The following BCKDHB variants were observed in gnomAD, a reference collection of about 807,000 sequenced individuals.
BCKDHB encodes the protein 2-oxoisovalerate dehydrogenase subunit beta, mitochondrial.
BCKDHB carries 41 observed loss-of-function variants against 48.5 expected under a neutral mutation model. The ratio of observed to expected loss-of-function variants is 0.85; its 90% confidence interval spans 0.66 to 1.10. The LOEUF (loss-of-function observed/expected upper bound fraction) is 1.10, where lower values mean the gene tolerates loss of function less well. BCKDHB is among the 50% of genes least tolerant of loss of function. The pLI, the probability that BCKDHB is intolerant of heterozygous loss-of-function variation, is 0.00. For missense variants in BCKDHB, 496 were observed against 494.2 expected, an observed-to-expected ratio of 1.00 and a Z score of -0.03; for synonymous variants, 201 against 174.8, an observed-to-expected ratio of 1.15 and a Z score of -1.18.
intron 9 of BCKDHB, among the ~76,000 whole-genome samples, chr6:80,336,464 A>T (rs1450633985): frequency 6.8e-6 from 1 of 147,860 alleles, no homozygotes; most frequent in African/African-American, 2.5e-5. Flanking sequence ...TCCATTCTTT[A>T]ACTAGCGGAA....
chr6:80,302,626 T>C (rs895751560), intron 9 of BCKDHB, among the ~76,000 whole-genome samples: 5 of 152,192 alleles, frequency 3.3e-5, no homozygotes, highest in Admixed American at 3.3e-4. Context: ...AGCACAGTGC[T>C]TATTTGTTAT....
the BCKDHB span, among the ~76,000 whole-genome samples, chr6:80,387,192 G>T: frequency 6.6e-6 from 1 of 152,266 alleles, no homozygotes; most frequent in African/African-American, 2.4e-5. Flanking sequence ...CTTACAGTGG[G>T]TCCAGTGGGT....
At chr6:80,169,171 G>T (rs1772762477) in intron 5 of BCKDHB, 141 bp downstream of exon 5, 1 of 1,157,976 alleles carries the variant, frequency 8.6e-7, no homozygotes, top group African/African-American at 1.6e-5. Context: ...TATTTAAGAA[G>T]GGGAGGTTAG....
At chr6:80,316,515 G>T (rs1022843926) in intron 9 of BCKDHB, among the ~76,000 whole-genome samples, 7 of 152,020 alleles carry the variant, frequency 4.6e-5, no homozygotes, top group African/African-American at 1.7e-4. Flanking sequence ...TATTTGGTGG[G>T]TAACAATATT....
chr6:80,391,282 C>T, the BCKDHB span, among the ~76,000 whole-genome samples: 1 of 151,980 alleles, frequency 6.6e-6, no homozygotes, highest in African/African-American at 2.4e-5. Flanking sequence ...ATGCCCACAT[C>T]ATAATCCCCA....
chr6:80,446,839 G>A, the BCKDHB span, among the ~76,000 whole-genome samples: 1 of 150,282 alleles, frequency 6.7e-6, no homozygotes, highest in East Asian at 2.0e-4. Flanking sequence ...TGGAAGTGAA[G>A]TTTATTGCAT....
chr6:80,420,345 C>A, the BCKDHB span, among the ~76,000 whole-genome samples: 4 of 152,168 alleles, frequency 2.6e-5, no homozygotes, highest in South Asian at 4.1e-4. Context: ...GACACGCAGA[C>A]TTTTTCTATG....
At chr6:80,175,645 A>G (rs1276287700) in intron 6 of BCKDHB, among the ~76,000 whole-genome samples, 1 of 152,206 alleles carries the variant, frequency 6.6e-6, no homozygotes, top group African/African-American at 2.4e-5. Flanking sequence ...GCCCATCACT[A>G]GAGGATTTTA....
the BCKDHB span, among the ~76,000 whole-genome samples, chr6:80,414,350 T>G: frequency 1.3e-5 from 2 of 152,148 alleles, no homozygotes; most frequent in East Asian, 1.9e-4. Flanking sequence ...CTTTGAAATC[T>G]TCAGGAAATA....
In BCKDHB at chr6:80,214,838, CTCTT is replaced by C. The variant is rs577720120; in HGVS notation, c.951+11627_951+11630del. Among the ~76,000 whole-genome samples the C allele has an allele frequency of 3.9e-3, 594 of 152,262 alleles. 9 individuals are homozygous for C. The highest frequency in any genetic ancestry group is 0.02 in the South Asian group (96 of 4,820). On this transcript the variant is annotated intron_variant, in intron 8 of 9. Transcript: ENST00000320393. ...AAACAACAAATTAGAATTATTTTCT[CTCTT>C]CTTTTTCTCTAAACCTTTAGTTAAA...
In BCKDHB at chr6:80,260,997, G is replaced by A. The variant is rs184273381; in HGVS notation, c.952-12138G>A. On this transcript the variant is annotated intron_variant, in intron 8 of 9. Transcript: ENST00000320393. ...CATAGTATTCAAAAAGAATAAAAAG[G>A]AAATGAGTTTGGCCCCCTAAGTCAG... Among the ~76,000 whole-genome samples, 229 of 152,214 alleles carry A rather than the reference G, an allele frequency of 1.5e-3. 1 individual carries two copies. Among genetic ancestry groups the A allele is most frequent in the Non-Finnish European group, 2.6e-3 (178 of 68,004 alleles).
chr6:80,182,916 C>T (rs1301705022), intron 6 of BCKDHB, among the ~76,000 whole-genome samples: 2 of 152,118 alleles, frequency 1.3e-5, no homozygotes, highest in African/African-American at 4.8e-5. Flanking sequence ...ATAGGCTTAG[C>T]TGGTTTTTAT....
intron 6 of BCKDHB, among the ~76,000 whole-genome samples, chr6:80,200,358 A>G (rs1311620588): frequency 1.3e-5 from 2 of 152,154 alleles, no homozygotes; most frequent in Non-Finnish European, 2.9e-5. Flanking sequence ...TGAAGTGTTC[A>G]TAGATCTAAG....
the BCKDHB span, among the ~76,000 whole-genome samples, chr6:80,444,602 A>G: frequency 1.5e-3 from 231 of 152,348 alleles, no homozygotes; most frequent in Non-Finnish European, 2.7e-3. Context: ...GTGAAATTGC[A>G]TATAGTGTCT....
chr6:80,340,317 A>C (rs1769821426), intron 9 of BCKDHB, among the ~76,000 whole-genome samples: 1 of 152,116 alleles, frequency 6.6e-6, no homozygotes, highest in Admixed American at 6.6e-5. Context: ...TCCTGGGTGC[A>C]ACTTTAGACC....
At chr6:80,431,361 GTCCTGAATA>G in the BCKDHB span, among the ~76,000 whole-genome samples, 1 of 152,136 alleles carries the variant, frequency 6.6e-6, no homozygotes, top group Non-Finnish European at 1.5e-5. Flanking sequence ...CTGAGTCCAA[GTCCTGAATA>G]TCCTTGTTAA....
In BCKDHB at chr6:80,106,849, T is replaced by C; in HGVS notation, c.156T>C (p.Ala52=). 1 of 1,610,218 alleles carries C rather than the reference T, an allele frequency of 6.2e-7. No individual in the cohort carries two copies. Among genetic ancestry groups the C allele is most frequent in the Non-Finnish European group, 8.5e-7 (1 of 1,178,980 alleles). ...VEDAAQRRQV[A]HFTFQPDPEP... ...ATGCGGCCCAGAGGCGGCAGGTGGC[T>C]CATTTTACTTTCCAGCCAGATCCGG... The change falls in exon 1 of 10, where the codon GCT becomes GCC. Residue 52 remains alanine (A), a synonymous_variant. Transcript: ENST00000320393.
chr6:80,271,484 A>G (rs1777738624), intron 8 of BCKDHB, among the ~76,000 whole-genome samples: 2 of 152,270 alleles, frequency 1.3e-5, no homozygotes, highest in Middle Eastern at 3.4e-3. Context: ...TACATAGGCC[A>G]CCTGCCCTGG....
At position 80,110,484 on chromosome 6, in the gene BCKDHB, C is replaced by T. The variant is rs1257469128; in HGVS notation, c.196+3595C>T. 2.0e-5 allele frequency among the ~76,000 whole-genome samples: 3 copies of T among 152,208 alleles called. No homozygotes were observed. The East Asian group carries it at 5.8e-4, about 29-fold the overall frequency. On this transcript the variant is annotated intron_variant, in intron 1 of 9. Coordinates refer to ENST00000320393, the MANE Select transcript of BCKDHB (RefSeq NM_183050.4). ...ATTTCTTAATTAATTGCAGACCCCTCAGATTCCTCTCTAAGGCCCAGGCAA... is the reference window on the plus strand; with the variant it reads ...ATTTCTTAATTAATTGCAGACCCCTTAGATTCCTCTCTAAGGCCCAGGCAA...
Sources: gnomAD v4.1 joint callset for allele counts (sites outside exome capture counted in the v4.1 genomes callset) on GRCh38, gnomAD v4.1.1 for gene constraint, MANE v1.5 for transcripts, NCBI Gene and HGNC (gene_info 2026-07-23, HGNC 2026-07-21) for gene names.